Variants in SRP19 observed in about 807,000 individuals in gnomAD.
SRP19 encodes the protein signal recognition particle 19 kDa protein.
In SRP19, 11 loss-of-function variants were observed where a neutral mutation model predicts 22.4. That is an observed-to-expected ratio of 0.49 (90% CI 0.31 to 0.81). The LOEUF (loss-of-function observed/expected upper bound fraction) is 0.81. SRP19 is among the 40% of genes least tolerant of loss of function. The probability of loss-of-function intolerance (pLI) is 0.05; values close to 1 mark genes in which losing one functional copy is unlikely to be tolerated. For synonymous variants in SRP19, 61 were observed against 57.6 expected (o/e 1.06, Z -0.27); for missense variants, 168 against 175.9 (o/e 0.96, Z 0.25).
At chr5:112,881,942 T>C (rs796645367) in intron 4 of SRP19, 1 of 150,598 alleles carries the variant, frequency 6.6e-6, no homozygotes, top group East Asian at 1.9e-4. Flanking sequence ...TTTTTGTGTT[T>C]TTTTTTTTTT....
At chr5:112,871,096 C>T (rs1399129604), downstream of SRP19, among the ~76,000 whole-genome samples, 2 of 152,210 alleles carry the variant, frequency 1.3e-5, no homozygotes, top group South Asian at 2.1e-4. Context: ...TCATGATACA[C>T]CACGCCCAGC....
At position 112,889,696 on chromosome 5, in the gene SRP19, A is replaced by G. The variant is rs528637558; in HGVS notation, c.302-1907A>G. ...ATAGATTTTAACATTTCCATCAGAAATTGATATACTAGCCAGGCTTACACC... is the reference window on the plus strand; with the variant it reads ...ATAGATTTTAACATTTCCATCAGAAGTTGATATACTAGCCAGGCTTACACC... On this transcript the variant is annotated intron_variant, in intron 4 of 4. Transcript: ENST00000391338. 6.6e-5 allele frequency among the ~76,000 whole-genome samples: 10 copies of G among 150,654 alleles called. No individual in the cohort carries two copies. The South Asian group carries it at 1.9e-3, about 28-fold the overall frequency.
In SRP19 at chr5:112,864,963, G is replaced by A. The variant is rs79363512; in HGVS notation, c.301+231G>A. 2,516 of 353,476 alleles carry A rather than the reference G, an allele frequency of 7.1e-3. 11 individuals are homozygous for A. Among genetic ancestry groups the A allele is most frequent in the Non-Finnish European group, 0.011 (2,098 of 196,528 alleles). 21.9% of individuals were successfully genotyped at this position (353,476 alleles called of 1,614,324 possible). ...ACATTTTTCAAAAAAATTGTTGTGT[G>A]AACATTTTATAAACCTCTGGAAGTC... On this transcript the variant is annotated intron_variant, in intron 4 of 4. Transcript: ENST00000505459.
chr5:112,873,555 C>T (rs1439584296), downstream of SRP19, among the ~76,000 whole-genome samples: 1 of 151,840 alleles, frequency 6.6e-6, no homozygotes, highest in Non-Finnish European at 1.5e-5. Context: ...CCATGTTGGT[C>T]AGGCAGGTCT....
chr5:112,875,817 C>T (rs537728931), intron 4 of SRP19, among the ~76,000 whole-genome samples: 3 of 151,688 alleles, frequency 2.0e-5, no homozygotes, highest in Non-Finnish European at 4.4e-5. Context: ...GAGGCCGAGG[C>T]GGGTGGATCA....
rs145534748 is a variant in SRP19 at position 112,862,576 on chromosome 5, T to G, written c.110T>G (p.Ile37Arg). 5 of 1,613,468 alleles carry G rather than the reference T, an allele frequency of 3.1e-6. No homozygotes were observed. In the African/African-American group the frequency reaches 6.7e-5, roughly 22 times the overall value. Residue 37 changes from isoleucine to arginine, a missense_variant, in exon 2 of 5, where the codon ATA becomes AGA. Physicochemically the swap from Ile to Arg is moderately conservative, Grantham distance 97. Coordinates refer to ENST00000505459, the MANE Select transcript of SRP19 (RefSeq NM_003135.3). ...ATCGCAGAGGGAAGGCGAATCCCCA[T>G]AAGTAAGGTAAGCAAGATGGCTGGC... ...KTIAEGRRIP[I>R]SKAVENPTAT...
At chr5:112,882,621 C>G (rs1268221265) in intron 4 of SRP19, among the ~76,000 whole-genome samples, 1 of 152,242 alleles carries the variant, frequency 6.6e-6, no homozygotes, top group Admixed American at 6.5e-5. Flanking sequence ...CATTTACTCT[C>G]CAACTGTCCT....
downstream of SRP19, chr5:112,896,470 C>G (rs144926472): frequency 6.6e-6 from 1 of 152,032 alleles, no homozygotes; most frequent in East Asian, 1.9e-4. Flanking sequence ...TTGCAGTGAG[C>G]AGAGATCACG....
downstream of SRP19, among the ~76,000 whole-genome samples, chr5:112,873,617 G>A (rs56398453): frequency 0.077 from 11,683 of 151,950 alleles, 563 homozygotes; most frequent in South Asian, 0.15. Context: ...AAAGTGCTGG[G>A]ATTACGGGCA....
At chr5:112,882,079 CTATTT>C (rs1246770114) in intron 4 of SRP19, 1 of 152,712 alleles carries the variant, frequency 6.5e-6, no homozygotes, top group Admixed American at 6.6e-5. Context: ...CCTACTACTC[CTATTT>C]TAATTATTGA....
chr5:112,893,693 C>T (rs1768579253), downstream of SRP19: 2 of 152,282 alleles, frequency 1.3e-5, no homozygotes, highest in Admixed American at 6.5e-5. Flanking sequence ...AGTAATGCTA[C>T]GTGCATGAAT....
chr5:112,861,472 AGGTGCTACACCGCGCTTCTCCGCTCCGC>A (rs1355004180), intron 1 of SRP19, 55 bp downstream of exon 1: 2 of 1,586,512 alleles, frequency 1.3e-6, no homozygotes, highest in Non-Finnish European at 8.6e-7. Flanking sequence ...GTGGTGCTGC[AGGTGCTACACCGCGCTTCTCCGCTCCGC>A]GGCCTCCAGA....
intron 4 of SRP19, among the ~76,000 whole-genome samples, chr5:112,884,386 T>C (rs1768168072): frequency 1.3e-5 from 2 of 150,110 alleles, no homozygotes; most frequent in Admixed American, 6.6e-5. Context: ...TACCATTTTC[T>C]ATTTTTTTTT....
chr5:112,887,087 A>C (rs1768274484), intron 4 of SRP19: 1 of 1,613,330 alleles, frequency 6.2e-7, no homozygotes, highest in Non-Finnish European at 8.5e-7. Flanking sequence ...TCCATCTGGG[A>C]CTCGTGCTTC....
chr5:112,875,953 AGGAGAATGGCATGAACCCG>A (rs1333120803), intron 4 of SRP19, among the ~76,000 whole-genome samples: 1 of 151,874 alleles, frequency 6.6e-6, no homozygotes, highest in Non-Finnish European at 1.5e-5. Context: ...AGGCTGAGGC[AGGAGAATGGCATGAACCCG>A]GGAGGCGGCT....
At chr5:112,897,690 C>T (rs12332080), downstream of SRP19, 1 of 152,150 alleles carries the variant, frequency 6.6e-6, no homozygotes, top group African/African-American at 2.4e-5. Flanking sequence ...TTTTATTTTC[C>T]TCCAATCTTA....
chr5:112,882,925 G>A (rs1768123604), intron 4 of SRP19, among the ~76,000 whole-genome samples: 1 of 152,046 alleles, frequency 6.6e-6, no homozygotes, highest in African/African-American at 2.4e-5. Context: ...AGTCACATGT[G>A]CTCACAGCAT....
chr5:112,891,540 TATTC>T (rs1295549850), intron 4 of SRP19: 9 of 1,486,508 alleles, frequency 6.1e-6, no homozygotes, highest in Admixed American at 2.0e-5. Context: ...AAACATAAAA[TATTC>T]ATAAGTAGAA....
chr5:112,880,890 A>T (rs956524810), intron 4 of SRP19, among the ~76,000 whole-genome samples: 1 of 152,160 alleles, frequency 6.6e-6, no homozygotes, highest in Non-Finnish European at 1.5e-5. Flanking sequence ...GCATTTTGAG[A>T]GGCCGAGGTG....
Sources: gnomAD v4.1 joint callset for allele counts (sites outside exome capture counted in the v4.1 genomes callset) on GRCh38, gnomAD v4.1.1 for gene constraint, MANE v1.5 for transcripts, NCBI Gene and HGNC (gene_info 2026-07-23, HGNC 2026-07-21) for gene names.